Variants in ST6GALNAC3 observed in about 807,000 individuals in gnomAD.
ST6GALNAC3 encodes the protein ST6 N-acetylgalactosaminide alpha-2,6-sialyltransferase 3, also known as alpha-N-acetylgalactosaminide alpha-2,6-sialyltransferase 3.
A neutral mutation model predicts 32.7 loss-of-function variants in ST6GALNAC3; 25 were observed. That is an observed-to-expected ratio of 0.76 (90% CI 0.56 to 1.07). ST6GALNAC3 has a LOEUF of 1.07. Ranked by LOEUF, ST6GALNAC3 falls within the 50% of genes least tolerant of loss-of-function variation. The probability of loss-of-function intolerance (pLI) is 0.00; values close to 1 mark genes in which losing one functional copy is unlikely to be tolerated. For missense variants in ST6GALNAC3, 355 were observed against 382.4 expected, an observed-to-expected ratio of 0.93 and a Z score of 0.60; for synonymous variants, 129 against 133.1, an observed-to-expected ratio of 0.97 and a Z score of 0.21.
chr1:76,499,228 A>G (rs1425465837), intron 3 of ST6GALNAC3, among the ~76,000 whole-genome samples: 2 of 152,226 alleles, frequency 1.3e-5, no homozygotes, highest in Non-Finnish European at 2.9e-5. Context: ...AATATGGGGA[A>G]AAACTGTTGG....
intron 2 of ST6GALNAC3, among the ~76,000 whole-genome samples, chr1:76,396,210 G>C (rs35814211): frequency 0.032 from 4,877 of 152,306 alleles, 93 homozygotes; most frequent in African/African-American, 0.041. Context: ...CATGCCTGTA[G>C]TTCCAGCATT....
chr1:76,509,678 C>A lies in ST6GALNAC3; in HGVS notation c.623+97261C>A, dbSNP rs969402601. ...AAAATGGGTTGTTAGGGCTGCATTC[C>A]TTCTGGAAGATCCAAGGGAGAATCT... On this transcript the variant is annotated intron_variant, in intron 3 of 4. Transcript: ENST00000328299. This position sits in a 1 kb window ranked among gnomAD's most constrained non-coding sequence, Gnocchi z 5.5. Among the ~76,000 whole-genome samples the A allele has an allele frequency of 3.9e-5, 6 of 152,152 alleles. No homozygotes were observed. The highest frequency in any genetic ancestry group is 1.4e-4 in the African/African-American group (6 of 41,446).
chr1:76,513,337 C>T (rs917871775), intron 3 of ST6GALNAC3, among the ~76,000 whole-genome samples: 9 of 152,132 alleles, frequency 5.9e-5, no homozygotes, highest in African/African-American at 1.9e-4. Context: ...TAGACTCATT[C>T]TTCTGCTCGT....
chr1:76,573,212 G>A (rs1267270776), intron 3 of ST6GALNAC3, among the ~76,000 whole-genome samples: 2 of 152,072 alleles, frequency 1.3e-5, no homozygotes, highest in South Asian at 4.1e-4. Flanking sequence ...CACTTTTTAA[G>A]CGATTACCAG....
intron 3 of ST6GALNAC3, among the ~76,000 whole-genome samples, chr1:76,615,812 C>T (rs1172050222): frequency 2.0e-5 from 3 of 152,136 alleles, no homozygotes; most frequent in Admixed American, 6.5e-5. Flanking sequence ...TGGCTTCTCC[C>T]GGTCAACAAA....
intron 3 of ST6GALNAC3, among the ~76,000 whole-genome samples, chr1:76,422,407 T>C (rs1655088535): frequency 6.6e-6 from 1 of 152,066 alleles, no homozygotes; most frequent in Admixed American, 6.6e-5. Context: ...GAGATCATCA[T>C]TGCACTCAAG....
chr1:76,340,044 C>A (rs932408293), intron 2 of ST6GALNAC3, among the ~76,000 whole-genome samples: 7 of 152,174 alleles, frequency 4.6e-5, no homozygotes, highest in Non-Finnish European at 8.8e-5. Flanking sequence ...AGCAAGGGAA[C>A]CAGTGTTGAT....
intron 1 of ST6GALNAC3, among the ~76,000 whole-genome samples, chr1:76,187,264 C>A (rs1011626575): frequency 6.6e-6 from 1 of 152,122 alleles, no homozygotes; most frequent in African/African-American, 2.4e-5. Context: ...AGCCAAAATA[C>A]CTTGGTTGTT....
intron 3 of ST6GALNAC3, among the ~76,000 whole-genome samples, chr1:76,609,180 T>A (rs907423851): frequency 7.2e-5 from 11 of 152,336 alleles, no homozygotes; most frequent in African/African-American, 2.6e-4. Flanking sequence ...TTCTTTCCAC[T>A]ATTTATAAAC....
chr1:76,395,870 C>G (rs778714054), intron 2 of ST6GALNAC3, among the ~76,000 whole-genome samples: 3 of 151,854 alleles, frequency 2.0e-5, no homozygotes, highest in African/African-American at 7.3e-5. Context: ...ACAAATACAC[C>G]ATTAGAAGGA....
At chr1:76,462,869 A>G (rs918826668) in intron 3 of ST6GALNAC3, among the ~76,000 whole-genome samples, 1 of 152,196 alleles carries the variant, frequency 6.6e-6, no homozygotes, top group Non-Finnish European at 1.5e-5. Context: ...CACATTTTAA[A>G]AAATTGTACA....
At position 76,412,306 on chromosome 1, in the gene ST6GALNAC3, A is replaced by G; in HGVS notation, c.512A>G (p.Asn171Ser). ...MRKDGNGIVYNMLKKTVGIYP... is the reference protein window; with the variant it reads ...MRKDGNGIVYSMLKKTVGIYP... ...AAAGATGGCAATGGCATCGTTTACAACATGTTGAAAAAGACAGTTGGTATC... is the reference window on the plus strand; with the variant it reads ...AAAGATGGCAATGGCATCGTTTACAGCATGTTGAAAAAGACAGTTGGTATC... Residue 171 changes from asparagine to serine, a missense_variant, in exon 3 of 5, where the codon AAC becomes AGC. Coordinates refer to ENST00000328299, the MANE Select transcript of ST6GALNAC3 (RefSeq NM_152996.4). 1 of 1,613,716 alleles carries G rather than the reference A, an allele frequency of 6.2e-7. No individual in the cohort carries two copies.
intron 2 of ST6GALNAC3, among the ~76,000 whole-genome samples, chr1:76,340,869 G>A (rs559462938): frequency 1.3e-5 from 2 of 151,922 alleles, no homozygotes; most frequent in South Asian, 2.1e-4. Context: ...AGCCCATTTT[G>A]TATTTCTAAT....
rs185687847 is a variant in ST6GALNAC3, at chr1:76,614,936, G to A, written c.624-12516G>A. 5.6e-3 allele frequency among the ~76,000 whole-genome samples: 848 copies of A among 151,970 alleles called. 3 individuals carry two copies. The highest frequency in any genetic ancestry group is 9.4e-3 in the Non-Finnish European group (639 of 67,972). On this transcript the variant is annotated intron_variant, in intron 3 of 4. Transcript: ENST00000328299. ...AGGGTTCCAGGGGGTGCAGGGTGTCGTCTGGGGTATTGTGGCATTGGTGGC... is the reference window on the plus strand; with the variant it reads ...AGGGTTCCAGGGGGTGCAGGGTGTCATCTGGGGTATTGTGGCATTGGTGGC...
chr1:76,133,266 A>G (rs1005853001), intron 1 of ST6GALNAC3, among the ~76,000 whole-genome samples: 26 of 152,146 alleles, frequency 1.7e-4, no homozygotes, highest in Non-Finnish European at 1.8e-4. Context: ...TTTCATCTTC[A>G]GGGACACCAT....
chr1:76,557,791 G>A (rs921711511), intron 3 of ST6GALNAC3, among the ~76,000 whole-genome samples: 2 of 152,104 alleles, frequency 1.3e-5, no homozygotes, highest in African/African-American at 2.4e-5. Flanking sequence ...GGGATGCAAT[G>A]TAACATTTAT....
At chr1:76,541,309 G>T (rs1663975843) in intron 3 of ST6GALNAC3, among the ~76,000 whole-genome samples, 1 of 152,100 alleles carries the variant, frequency 6.6e-6, no homozygotes, top group African/African-American at 2.4e-5. Context: ...GGGTCAGAGA[G>T]AACAGTGAAG....
chr1:76,444,655 G>A (rs1656845454), intron 3 of ST6GALNAC3, among the ~76,000 whole-genome samples: 1 of 152,174 alleles, frequency 6.6e-6, no homozygotes, highest in South Asian at 2.1e-4. Context: ...GACTCTGGTA[G>A]GGAGCCACTG....
chr1:76,419,045 GCACACA>G (rs147952829), intron 3 of ST6GALNAC3, among the ~76,000 whole-genome samples: 4 of 148,868 alleles, frequency 2.7e-5, no homozygotes, highest in Admixed American at 6.7e-5. Flanking sequence ...ACCCTCATGT[GCACACA>G]CACACACACA....
Sources: allele counts gnomAD v4.1 joint callset (sites outside exome capture counted in the v4.1 genomes callset), GRCh38; gene constraint gnomAD v4.1.1; non-coding constraint Gnocchi (gnomAD v3.1); transcripts MANE v1.5; gene names NCBI Gene and HGNC (gene_info 2026-07-23, HGNC 2026-07-21).